The following FUT9 variants were observed in gnomAD, a reference collection of about 807,000 sequenced individuals.
FUT9 encodes fucosyltransferase 9.
FUT9 carries 15 observed loss-of-function variants against 29.7 expected under a neutral mutation model. The observed-to-expected ratio is 0.51, with a 90% CI of 0.34 to 0.78. The LOEUF is 0.78. Among genes scored for constraint, FUT9 ranks in the 30% least tolerant of loss-of-function variants. The pLI is 0.01. For synonymous variants in FUT9, 169 were observed against 153.7 expected (o/e 1.10, Z -0.74); for missense variants, 319 against 425.4 (o/e 0.75, Z 2.20).
chr6:96,204,356 G>GAGA lies in FUT9; in HGVS notation c.*121_*122insAGA. The GAGA allele has an allele frequency of 1.6e-6, 1 of 638,424 alleles. No individual in the cohort carries two copies. The highest frequency in any genetic ancestry group is 2.5e-6 in the Non-Finnish European group (1 of 406,330). 39.5% of individuals were successfully genotyped at this position (638,424 alleles called of 1,614,324 possible). On this transcript the variant is annotated 3_prime_UTR_variant, in exon 3 of 3. Transcript: ENST00000302103. ...CAATTTATTTTTATCACCCTCTCTA[G>GAGA]GGTAACGTGTATATTTTGGTGGAGA...
chr6:96,016,109 G>A lies in FUT9; in HGVS notation c.-201G>A, dbSNP rs991177403. ...GCTGCCTCGGTGTCCCCCAGCCCCAGTCGCGCTCTTAGGACAGCGCCGCCA... is the reference window on the plus strand; with the variant it reads ...GCTGCCTCGGTGTCCCCCAGCCCCAATCGCGCTCTTAGGACAGCGCCGCCA... On this transcript the variant is annotated 5_prime_UTR_variant, in exon 1 of 3. Transcript: ENST00000302103. 1 of 153,610 alleles carries A rather than the reference G, an allele frequency of 6.5e-6. No homozygotes were observed. The highest frequency in any genetic ancestry group is 2.4e-5 in the African/African-American group (1 of 41,416). 9.5% of individuals were successfully genotyped at this position (153,610 alleles called of 1,614,324 possible). A position where few individuals can be genotyped will look rare whatever the true frequency, so the allele number is the denominator to read the frequency against.
intron 1 of FUT9, among the ~76,000 whole-genome samples, chr6:96,064,024 G>A (rs980429555): frequency 6.6e-6 from 1 of 152,066 alleles, no homozygotes; most frequent in African/African-American, 2.4e-5. Flanking sequence ...TATCCCCATC[G>A]ATCTAGAACT....
rs1024515270 is a variant in FUT9 at position 96,206,104 on chromosome 6, T to C, written c.*1869T>C. 2 of 167,014 alleles carry C rather than the reference T, an allele frequency of 1.2e-5. No individual in the cohort carries two copies. The highest frequency in any genetic ancestry group is 1.9e-4 in the East Asian group (1 of 5,186). The allele number at this position is 167,014 out of a possible 1,614,324, so 10.3% of individuals were successfully genotyped here. ...TTCAGCCTGAGACTGTTTATATGCA[T>C]GTGCTACTCCGAATGACGTTTGTAT... On this transcript the variant is annotated 3_prime_UTR_variant, in exon 3 of 3. Coordinates refer to ENST00000302103, the MANE Select transcript of FUT9 (RefSeq NM_006581.4).
intron 1 of FUT9, among the ~76,000 whole-genome samples, chr6:96,028,425 A>G (rs1486905127): frequency 2.0e-5 from 3 of 151,650 alleles, no homozygotes; most frequent in Non-Finnish European, 4.4e-5. Context: ...TTTTAATTAA[A>G]CAAAGACTTA....
chr6:96,090,622 A>G lies in FUT9; in HGVS notation c.-97-23417A>G, dbSNP rs190494804. The stretch of plus-strand genomic sequence containing the variant: ...ACACATCTCTGGTAAGATTGAGCAG[A>G]AAGGAAAAGGAAAAGCAAAATAAAC... On this transcript the variant is annotated intron_variant, in intron 1 of 2. Transcript: ENST00000302103. Among the ~76,000 whole-genome samples the G allele has an allele frequency of 2.9e-3, 440 of 152,096 alleles. 1 individual carries two copies. Among genetic ancestry groups the G allele is most frequent in the African/African-American group, 9.9e-3 (411 of 41,546 alleles).
chr6:96,149,295 A>G (rs191419409), intron 2 of FUT9, among the ~76,000 whole-genome samples: 66 of 152,294 alleles, frequency 4.3e-4, no homozygotes, highest in African/African-American at 1.5e-3. Context: ...TAAATGAAGA[A>G]CATGATTACT....
intron 1 of FUT9, among the ~76,000 whole-genome samples, chr6:96,074,829 T>A (rs551766236): frequency 2.6e-5 from 4 of 152,236 alleles, no homozygotes; most frequent in African/African-American, 9.6e-5. Flanking sequence ...CAGGCTGGAG[T>A]GCTGTGGTAT....
rs1246488309 is a variant in FUT9 at position 96,074,805 on chromosome 6, C to A, written c.-97-39234C>A. Among the ~76,000 whole-genome samples, 148 of 152,032 alleles carry A rather than the reference C, an allele frequency of 9.7e-4. 4 individuals carry two copies. Among genetic ancestry groups the A allele is most frequent in the Admixed American group, 9.5e-3 (145 of 15,260 alleles). ...TATTGTTTTTTTTAAGAGACAGGGTCTCATTCTGTCTCCCAGGCTGGAGTG... is the reference window on the plus strand; with the variant it reads ...TATTGTTTTTTTTAAGAGACAGGGTATCATTCTGTCTCCCAGGCTGGAGTG... On this transcript the variant is annotated intron_variant, in intron 1 of 2. Transcript: ENST00000302103.
At chr6:96,176,036 T>A (rs11752153) in intron 2 of FUT9, among the ~76,000 whole-genome samples, 55,911 of 152,198 alleles carry the variant, frequency 0.37, 11,198 homozygotes, top group South Asian at 0.57. Flanking sequence ...AGCTGAGACA[T>A]TCAGCTTCTC....
chr6:96,105,654 A>T (rs1041195172), intron 1 of FUT9, among the ~76,000 whole-genome samples: 4 of 152,196 alleles, frequency 2.6e-5, no homozygotes, highest in African/African-American at 9.6e-5. Context: ...ATTATTTTTC[A>T]TGCAGTTAAT....
chr6:96,162,942 TAA>T (rs1319442679), intron 2 of FUT9, among the ~76,000 whole-genome samples: 1 of 152,144 alleles, frequency 6.6e-6, no homozygotes, highest in African/African-American at 2.4e-5. Flanking sequence ...AAGGCTGAGG[TAA>T]AGTCTTTTCC....
At chr6:96,119,856 A>T (rs1414048841) in intron 2 of FUT9, among the ~76,000 whole-genome samples, 3 of 152,152 alleles carry the variant, frequency 2.0e-5, no homozygotes, top group Non-Finnish European at 4.4e-5. Context: ...TTATTTTATT[A>T]GGTAATTTGA....
At chr6:96,165,226 G>A (rs1723706339) in intron 2 of FUT9, among the ~76,000 whole-genome samples, 1 of 152,092 alleles carries the variant, frequency 6.6e-6, no homozygotes, top group African/African-American at 2.4e-5. Flanking sequence ...GAGGTCAGGA[G>A]TTCGAGACCA....
chr6:96,104,575 G>C (rs1423174387), intron 1 of FUT9, among the ~76,000 whole-genome samples: 1 of 152,210 alleles, frequency 6.6e-6, no homozygotes, highest in Non-Finnish European at 1.5e-5. Flanking sequence ...CTGTCGCCCA[G>C]GCTGGAGTGC....
chr6:96,071,881 C>A (rs1178593222), intron 1 of FUT9, among the ~76,000 whole-genome samples: 1 of 152,158 alleles, frequency 6.6e-6, no homozygotes, highest in African/African-American at 2.4e-5. Flanking sequence ...GCAATGCTCT[C>A]ATCTCAGCTT....
intron 2 of FUT9, among the ~76,000 whole-genome samples, chr6:96,185,666 T>A: frequency 6.6e-6 from 1 of 152,090 alleles, no homozygotes; most frequent in East Asian, 1.9e-4. Flanking sequence ...TGAGGAGGGA[T>A]CAGCCTTAGA....
chr6:96,156,521 C>A (rs1450552887), intron 2 of FUT9, among the ~76,000 whole-genome samples: 1 of 152,160 alleles, frequency 6.6e-6, no homozygotes. Flanking sequence ...TATATATAAG[C>A]TGATGGAGCT....
At chr6:96,134,694 T>C (rs886433904) in intron 2 of FUT9, among the ~76,000 whole-genome samples, 4 of 151,876 alleles carry the variant, frequency 2.6e-5, no homozygotes, top group Non-Finnish European at 5.9e-5. Flanking sequence ...TTTTACCAAA[T>C]AGTGCAACTG....
chr6:96,165,394 G>A (rs1042978940), intron 2 of FUT9, among the ~76,000 whole-genome samples: 7 of 151,096 alleles, frequency 4.6e-5, no homozygotes, highest in Non-Finnish European at 1.0e-4. Context: ...TCACACCACT[G>A]CACTCCAGCC....
Sources: gnomAD v4.1 joint callset for allele counts (sites outside exome capture counted in the v4.1 genomes callset) on GRCh38, gnomAD v4.1.1 for gene constraint, MANE v1.5 for transcripts, NCBI Gene and HGNC (gene_info 2026-07-23, HGNC 2026-07-21) for gene names.